Variants in STK3 observed in about 807,000 individuals in gnomAD.
STK3 encodes serine/threonine-protein kinase 3.
Under a neutral mutation model 58.0 loss-of-function variants are expected in STK3, and 41 were observed. The ratio of observed to expected loss-of-function variants is 0.71; its 90% CI spans 0.55 to 0.92. STK3 has a LOEUF of 0.92. STK3 is among the 40% of genes least tolerant of loss of function. The probability of loss-of-function intolerance (pLI) is 0.00; values close to 1 mark genes in which losing one functional copy is unlikely to be tolerated. For synonymous variants in STK3, 170 were observed against 191.0 expected, an observed-to-expected ratio of 0.89 and a Z score of 0.91; for missense variants, 479 against 602.7, an observed-to-expected ratio of 0.79 and a Z score of 2.15.
chr8:98,404,381 C>A (rs1031586752), intron 3 of STK3, among the ~76,000 whole-genome samples: 10 of 152,112 alleles, frequency 6.6e-5, no homozygotes, highest in African/African-American at 2.2e-4. Flanking sequence ...TACAAACAAT[C>A]AAAAATTAGC....
intron 1 of STK3, among the ~76,000 whole-genome samples, chr8:98,788,162 C>T (rs775279817): frequency 3.8e-4 from 58 of 152,054 alleles, no homozygotes; most frequent in South Asian, 8.3e-4. Context: ...ACAGAACTGG[C>T]CGGGCATGGT....
At chr8:98,682,262 G>C (rs1823694710) in intron 6 of STK3, among the ~76,000 whole-genome samples, 1 of 152,094 alleles carries the variant, frequency 6.6e-6, no homozygotes, top group Non-Finnish European at 1.5e-5. Flanking sequence ...AAAAACCATG[G>C]ATATCAAATG....
chr8:98,905,630 G>A (rs1838867195), intron 1 of STK3: 1 of 862,740 alleles, frequency 1.2e-6, no homozygotes, highest in Non-Finnish European at 2.0e-6. Context: ...CTCCTGCTCT[G>A]TGGCCTCCTG....
chr8:98,693,496 G>A (rs1365511105), intron 6 of STK3, among the ~76,000 whole-genome samples: 2 of 152,084 alleles, frequency 1.3e-5, no homozygotes, highest in Non-Finnish European at 2.9e-5. Flanking sequence ...AAGGAAAACA[G>A]GATTGCAGGC....
chr8:98,807,849 A>G (rs564236179), intron 1 of STK3, among the ~76,000 whole-genome samples: 2 of 152,326 alleles, frequency 1.3e-5, no homozygotes, highest in South Asian at 4.1e-4. Flanking sequence ...CAAGAAACAG[A>G]TATGAGGAAT....
upstream of STK3, among the ~76,000 whole-genome samples, chr8:98,390,443 T>C (rs1465757378): frequency 6.6e-6 from 1 of 152,204 alleles, no homozygotes; most frequent in Non-Finnish European, 1.5e-5. Context: ...TCTCTAATTA[T>C]TTTCAAGATT....
intron 3 of STK3, among the ~76,000 whole-genome samples, chr8:98,876,030 CA>C (rs1369424789): frequency 6.6e-6 from 1 of 152,196 alleles, no homozygotes; most frequent in African/African-American, 2.4e-5. Flanking sequence ...CAAGCAGAGT[CA>C]TAGGAAACTT....
chr8:98,385,689 C>A (rs568273358), intron 1 of STK3, among the ~76,000 whole-genome samples: 17 of 152,128 alleles, frequency 1.1e-4, no homozygotes, highest in African/African-American at 4.1e-4. Context: ...CTTCAGTGGG[C>A]GGGGGGAGAT....
intron 10 of STK3, among the ~76,000 whole-genome samples, chr8:98,461,446 G>A (rs1486749154): frequency 6.6e-6 from 1 of 152,168 alleles, no homozygotes; most frequent in Non-Finnish European, 1.5e-5. Context: ...CTGCCAACCA[G>A]TATCTTTTAA....
At chr8:98,940,833 C>T (rs1031660892) in intron 1 of STK3, among the ~76,000 whole-genome samples, 1 of 152,242 alleles carries the variant, frequency 6.6e-6, no homozygotes, top group Admixed American at 6.5e-5. Context: ...GTCTCAGAAA[C>T]CCACCAGGAG....
intron 1 of STK3, among the ~76,000 whole-genome samples, chr8:98,911,146 T>C (rs1839115068): frequency 6.6e-6 from 1 of 152,198 alleles, no homozygotes; most frequent in African/African-American, 2.4e-5. Flanking sequence ...TTGCATGTAA[T>C]CTTGTAAGCA....
rs1260443666 is a variant in STK3, at chr8:98,673,129, T to G, written c.684+33338A>C. On this transcript the variant is annotated intron_variant, in intron 6 of 10. Coordinates refer to ENST00000419617, the MANE Select transcript of STK3 (RefSeq NM_006281.4). ...TTCTCATAGCCCAGGCACTCAGCTA[T>G]TCAACCTAAATTTTTCCAGTTGCCT... 2.0e-5 allele frequency among the ~76,000 whole-genome samples: 3 copies of G among 152,354 alleles called. No individual in the cohort carries two copies. In the East Asian group the frequency reaches 5.8e-4, roughly 29 times the overall value.
At chr8:98,820,847 A>C (rs1277748681) in intron 1 of STK3, among the ~76,000 whole-genome samples, 1 of 152,010 alleles carries the variant, frequency 6.6e-6, no homozygotes, top group Non-Finnish European at 1.5e-5. Flanking sequence ...GTGTGGTGGC[A>C]GGCGCCTGCA....
At chr8:98,847,046 C>A (rs534631645) in intron 3 of STK3, among the ~76,000 whole-genome samples, 1 of 152,160 alleles carries the variant, frequency 6.6e-6, no homozygotes, top group Non-Finnish European at 1.5e-5. Context: ...AGATATGACT[C>A]TTCATTTAAT....
At chr8:98,440,670 C>T (rs901098902) in intron 1 of STK3, among the ~76,000 whole-genome samples, 4 of 152,056 alleles carry the variant, frequency 2.6e-5, no homozygotes, top group Admixed American at 2.6e-4. Flanking sequence ...TGTGAGAATT[C>T]GGTTAAGTAA....
downstream of STK3, among the ~76,000 whole-genome samples, chr8:98,366,784 G>T (rs1472487805): frequency 6.6e-6 from 1 of 151,566 alleles, no homozygotes; most frequent in Non-Finnish European, 1.5e-5. Flanking sequence ...TGACTCCCAT[G>T]TCCAACATCA....
intron 3 of STK3, among the ~76,000 whole-genome samples, chr8:98,414,558 C>T (rs191381329): frequency 2.0e-5 from 3 of 152,366 alleles, no homozygotes. Flanking sequence ...GCTCTTTCCA[C>T]ATTGGGTTGC....
chr8:98,832,719 T>A (rs1835584190), intron 3 of STK3, among the ~76,000 whole-genome samples: 1 of 152,114 alleles, frequency 6.6e-6, no homozygotes, highest in South Asian at 2.1e-4. Context: ...TTCAGTTGGC[T>A]GCGGGGCCTA....
chr8:98,357,660 G>A, the STK3 span, among the ~76,000 whole-genome samples: 1 of 152,220 alleles, frequency 6.6e-6, no homozygotes, highest in African/African-American at 2.4e-5. Context: ...GGGTAACATA[G>A]TTGATACCCT....
Sources: allele counts gnomAD v4.1 joint callset (sites outside exome capture counted in the v4.1 genomes callset), GRCh38; gene constraint gnomAD v4.1.1; transcripts MANE v1.5; gene names NCBI Gene and HGNC (gene_info 2026-07-23, HGNC 2026-07-21).